The following GPM6A variants were observed in gnomAD, a reference collection of about 807,000 sequenced individuals.
GPM6A encodes glycoprotein M6A, also known as neuronal membrane glycoprotein M6-a.
GPM6A carries 7 observed loss-of-function variants against 32.1 expected under a neutral mutation model. The ratio of observed to expected loss-of-function variants is 0.22; its 90% confidence interval spans 0.12 to 0.41. GPM6A has a LOEUF of 0.41. GPM6A is among the 10% of genes least tolerant of loss of function. The pLI is 1.00. For missense variants in GPM6A, 235 were observed against 347.2 expected (o/e 0.68, Z 2.57); for synonymous variants, 130 against 123.4 (o/e 1.05, Z -0.35).
intron 1 of GPM6A, among the ~76,000 whole-genome samples, chr4:175,974,079 A>G (rs1740587252): frequency 6.6e-6 from 1 of 152,158 alleles, no homozygotes; most frequent in Non-Finnish European, 1.5e-5. Flanking sequence ...CTAAAAATAC[A>G]GAAAACAGCT....
At chr4:175,798,946 A>G (rs752969043) in intron 1 of GPM6A, among the ~76,000 whole-genome samples, 1 of 152,334 alleles carries the variant, frequency 6.6e-6, no homozygotes, top group African/African-American at 2.4e-5. Context: ...TGTATTGCAC[A>G]TGAAAGCAAA....
intron 3 of GPM6A, among the ~76,000 whole-genome samples, chr4:175,672,881 A>G (rs1279350377): frequency 6.6e-6 from 1 of 152,232 alleles, no homozygotes; most frequent in Non-Finnish European, 1.5e-5. Context: ...GGTTAAAATA[A>G]AAAAGGTTTG....
intron 1 of GPM6A, among the ~76,000 whole-genome samples, chr4:175,859,923 A>G (rs533126773): frequency 1.9e-4 from 29 of 152,156 alleles, no homozygotes; most frequent in Non-Finnish European, 3.7e-4. Context: ...TATTTAAAAA[A>G]TAAACTATAC....
chr4:175,952,628 T>G (rs568816086), intron 1 of GPM6A, among the ~76,000 whole-genome samples: 1 of 152,190 alleles, frequency 6.6e-6, no homozygotes. Context: ...TTTGTGTACA[T>G]CTTTCCTGAA....
At chr4:175,810,160 G>T (rs978250028) in intron 1 of GPM6A, among the ~76,000 whole-genome samples, 7 of 152,038 alleles carry the variant, frequency 4.6e-5, no homozygotes, top group African/African-American at 1.7e-4. Context: ...TTGTCAAATT[G>T]CTCCTCCAGT....
chr4:175,657,700 G>T (rs1399656743), intron 3 of GPM6A, among the ~76,000 whole-genome samples: 1 of 152,114 alleles, frequency 6.6e-6, no homozygotes, highest in East Asian at 1.9e-4. Context: ...CTTGAGGCCA[G>T]ATCATTCTTT....
intron 4 of GPM6A, among the ~76,000 whole-genome samples, chr4:175,642,524 TCA>T (rs1214002252): frequency 1.3e-5 from 2 of 152,192 alleles, no homozygotes; most frequent in African/African-American, 2.4e-5. Context: ...GGATTAATTC[TCA>T]GTTTTCATCT....
chr4:175,752,161 C>T (rs562067706), intron 1 of GPM6A, among the ~76,000 whole-genome samples: 61 of 152,242 alleles, frequency 4.0e-4, no homozygotes, highest in African/African-American at 1.4e-3. Context: ...AATTGTGGAT[C>T]ATTTCTTACT....
intron 1 of GPM6A, among the ~76,000 whole-genome samples, chr4:175,853,448 A>G (rs1262080987): frequency 6.6e-6 from 1 of 151,570 alleles, no homozygotes; most frequent in Non-Finnish European, 1.5e-5. Flanking sequence ...ATATTAAGGA[A>G]GTATTAAATA....
intron 1 of GPM6A, among the ~76,000 whole-genome samples, chr4:175,781,469 T>A (rs545295495): frequency 0.02 from 3,070 of 152,282 alleles, 55 homozygotes; most frequent in Non-Finnish European, 0.031. Flanking sequence ...TCAAGCTTCC[T>A]AAAACCCCTT....
At chr4:175,871,334 G>A (rs974515185) in intron 1 of GPM6A, among the ~76,000 whole-genome samples, 1 of 152,008 alleles carries the variant, frequency 6.6e-6, no homozygotes, top group Admixed American at 6.6e-5. Flanking sequence ...GCCGGATGTG[G>A]TAGTGGATGC....
intron 1 of GPM6A, among the ~76,000 whole-genome samples, chr4:175,840,772 GATATATCCAA>G (rs1303095426): frequency 6.6e-6 from 1 of 152,124 alleles, no homozygotes; most frequent in African/African-American, 2.4e-5. Context: ...ATAATTCAAT[GATATATCCAA>G]AGGGCTAAGT....
chr4:175,634,985 C>T lies in GPM6A; in HGVS notation c.757G>A (p.Asp253Asn). Reference protein sequence around the residue: ...KDACRMQKYEDIKSKEEQELH... With the variant: ...KDACRMQKYENIKSKEEQELH... ...TCTTGCTCTTCCTTCGACTTGATGTCTTCATACTTCTGCATCCGGCAGGCG... is the reference window on the plus strand; with the variant it reads ...TCTTGCTCTTCCTTCGACTTGATGTTTTCATACTTCTGCATCCGGCAGGCG... Residue 253 changes from aspartate to asparagine, a missense_variant, in exon 7 of 7, where the codon GAC becomes AAC. Coordinates refer to ENST00000393658, the MANE Select transcript of GPM6A (RefSeq NM_201591.3). 1 of 1,613,778 alleles carries T rather than the reference C, an allele frequency of 6.2e-7. No homozygotes were observed. The highest frequency in any genetic ancestry group is 8.5e-7 in the Non-Finnish European group (1 of 1,179,758).
At chr4:175,647,424 T>C (rs1050050266) in intron 4 of GPM6A, among the ~76,000 whole-genome samples, 9 of 152,328 alleles carry the variant, frequency 5.9e-5, no homozygotes, top group Middle Eastern at 3.4e-3. Flanking sequence ...AATAAAATTA[T>C]TTCATGAGCA....
Position 175,701,720 on chromosome 4 carries a change from A to T in GPM6A, c.85T>A (p.Ser29Thr). ...TAGAGCAGGATGGTGGCAATCAGAG[A>T]GGCATAGGGAATGCCCCCCAGGCAT... Reference protein sequence around the residue: ...IKCLGGIPYASLIATILLYAG... With the variant: ...IKCLGGIPYATLIATILLYAG... Residue 29 changes from serine (S) to threonine (T), a missense_variant, in exon 2 of 7, where the codon TCT (serine) becomes ACT (threonine). Around this residue, in one of 3 missense-constraint regions of GPM6A, gnomAD observed 101 missense variants for 171.2 expected, o/e 0.59. Transcript: ENST00000393658. 1 of 1,613,802 alleles carries T rather than the reference A, an allele frequency of 6.2e-7. No individual in the cohort carries two copies. Among genetic ancestry groups the T allele is most frequent in the Non-Finnish European group, 8.5e-7 (1 of 1,179,710 alleles).
At chr4:175,714,801 A>G (rs1164212242) in intron 1 of GPM6A, among the ~76,000 whole-genome samples, 1 of 152,148 alleles carries the variant, frequency 6.6e-6, no homozygotes, top group Non-Finnish European at 1.5e-5. Context: ...TACTAATTAC[A>G]GAACATTCTG....
intron 1 of GPM6A, among the ~76,000 whole-genome samples, chr4:175,900,497 C>CAA (rs57140730): frequency 0.42 from 60,185 of 143,920 alleles, 12,507 homozygotes; most frequent in Admixed American, 0.51. Flanking sequence ...ATACAAATGG[C>CAA]AAAAAAAAAA....
chr4:175,750,605 C>T (rs1228861656), intron 1 of GPM6A, among the ~76,000 whole-genome samples: 2 of 59,226 alleles, frequency 3.4e-5, no homozygotes, highest in Non-Finnish European at 1.0e-4. Flanking sequence ...AGGGGTCTGG[C>T]TCTGTCGCCA....
intron 1 of GPM6A, among the ~76,000 whole-genome samples, chr4:175,718,227 T>G (rs746025253): frequency 2.6e-5 from 4 of 152,202 alleles, no homozygotes; most frequent in Non-Finnish European, 4.4e-5. Flanking sequence ...AAGAATTAAC[T>G]AATCAAAAAT....
Sources: allele counts gnomAD v4.1 joint callset (sites outside exome capture counted in the v4.1 genomes callset), GRCh38; gene constraint gnomAD v4.1.1; regional missense constraint gnomAD v4.1.1; transcripts MANE v1.5; gene names NCBI Gene and HGNC (gene_info 2026-07-23, HGNC 2026-07-21).